The following ATP8B4 variants were observed in gnomAD, a reference collection of about 807,000 sequenced individuals.
The protein encoded by ATP8B4 is ATPase phospholipid transporting 8B4 (putative).
In ATP8B4, 133 loss-of-function variants were observed where a neutral mutation model predicts 145.6. The ratio of observed to expected loss-of-function variants is 0.91; its 90% CI spans 0.79 to 1.05. ATP8B4 has a LOEUF of 1.05. Ranked by LOEUF, ATP8B4 falls within the 50% of genes least tolerant of loss-of-function variation. ATP8B4 has a pLI of 0.00. For synonymous variants in ATP8B4, 507 were observed against 492.9 expected (o/e 1.03, Z -0.38); for missense variants, 1,458 against 1,425.2 (o/e 1.02, Z -0.37).
intron 1 of ATP8B4, among the ~76,000 whole-genome samples, chr15:50,143,820 T>C (rs1030170071): frequency 7.9e-5 from 12 of 152,212 alleles, no homozygotes; most frequent in Admixed American, 7.2e-4. Flanking sequence ...CTGTCTGATT[T>C]GGCTAAAGTG....
At chr15:50,179,602 T>C (rs984123509) in intron 1 of ATP8B4, among the ~76,000 whole-genome samples, 3 of 151,880 alleles carry the variant, frequency 2.0e-5, no homozygotes, top group Admixed American at 1.3e-4. Context: ...TAACCCTCAA[T>C]GTGATGGTAT....
intron 25 of ATP8B4, among the ~76,000 whole-genome samples, chr15:49,866,906 C>T (rs539580902): frequency 6.6e-6 from 1 of 152,330 alleles, no homozygotes; most frequent in African/African-American, 2.4e-5. Flanking sequence ...TAAATTTTCA[C>T]AATACCATTT....
intron 1 of ATP8B4, among the ~76,000 whole-genome samples, chr15:50,160,504 A>T (rs8042657): frequency 0.57 from 85,424 of 149,818 alleles, 24,810 homozygotes; most frequent in East Asian, 0.93. Flanking sequence ...TACTTTTTTT[A>T]ATGTAGATAC....
chr15:49,969,646 A>T (rs1303610637), intron 13 of ATP8B4, among the ~76,000 whole-genome samples: 2 of 152,188 alleles, frequency 1.3e-5, no homozygotes, highest in Non-Finnish European at 2.9e-5. Context: ...CTACCAACAA[A>T]AAAAGCCCAA....
At chr15:50,020,799 G>A (rs550157550) in intron 6 of ATP8B4, among the ~76,000 whole-genome samples, 18 of 152,180 alleles carry the variant, frequency 1.2e-4, no homozygotes, top group African/African-American at 4.3e-4. Flanking sequence ...TCAGTCTGTG[G>A]TTATTAGGTG....
At chr15:49,931,337 A>C in intron 15 of ATP8B4, 30 bp from the exon 16 acceptor site, 1 of 1,585,640 alleles carries the variant, frequency 6.3e-7, no homozygotes, top group Non-Finnish European at 8.6e-7. Flanking sequence ...GTGTATCAAT[A>C]CTGACTAACA....
intron 17 of ATP8B4, among the ~76,000 whole-genome samples, chr15:49,921,819 T>C (rs751939769): frequency 4.6e-5 from 7 of 152,220 alleles, no homozygotes; most frequent in East Asian, 1.9e-4. Context: ...ACTTCGGATA[T>C]TGGAATCACA....
chr15:50,030,296 A>T (rs530144521), intron 6 of ATP8B4, among the ~76,000 whole-genome samples: 2 of 152,316 alleles, frequency 1.3e-5, no homozygotes, highest in South Asian at 4.1e-4. Context: ...TAAATGGCAC[A>T]TAGAACTTGG....
At chr15:50,103,920 T>G (rs1459091436) in intron 2 of ATP8B4, among the ~76,000 whole-genome samples, 3 of 151,986 alleles carry the variant, frequency 2.0e-5, no homozygotes, top group African/African-American at 4.8e-5. Flanking sequence ...AAGCCAGAAG[T>G]AAAGCTAAAT....
chr15:50,108,957 T>C (rs1027420883), intron 1 of ATP8B4, among the ~76,000 whole-genome samples: 1 of 152,168 alleles, frequency 6.6e-6, no homozygotes, highest in African/African-American at 2.4e-5. Context: ...GAGGAAGGGC[T>C]TCCAGATGCT....
chr15:50,071,933 C>G (rs976277910), intron 3 of ATP8B4, among the ~76,000 whole-genome samples: 2 of 151,934 alleles, frequency 1.3e-5, no homozygotes, highest in African/African-American at 4.8e-5. Context: ...ACAGGGAAAC[C>G]TACATTGAAA....
rs758057156 is a variant in ATP8B4, at chr15:49,918,925, T to C, written c.1949A>G (p.Asp650Gly). Residue 650 changes from aspartate (D) to glycine (G), a missense_variant, in exon 19 of 28, where the codon GAT (aspartate) becomes GGT (glycine). By Grantham distance (94) the Asp-to-Gly change is moderately conservative (BLOSUM62 -1). Coordinates refer to ENST00000284509, the MANE Select transcript of ATP8B4 (RefSeq NM_024837.4). Reference protein sequence around the residue: ...LMLLGATAVEDKLQEGVIETV... With the variant: ...LMLLGATAVEGKLQEGVIETV... ...TTCAATAACACCCTCCTGTAACTTA[T>C]CTTCTACAGCAGTGGCACCTAGTAG... The C allele has an allele frequency of 2.6e-5, 42 of 1,613,352 alleles. No individual in the cohort carries two copies. The highest frequency in any genetic ancestry group is 2.2e-5 in the East Asian group (1 of 44,826).
intron 7 of ATP8B4, among the ~76,000 whole-genome samples, chr15:50,008,367 T>C (rs893075203): frequency 2.0e-5 from 3 of 152,162 alleles, no homozygotes; most frequent in African/African-American, 7.2e-5. Context: ...TTTGGTGCTG[T>C]CCCTCCAAAC....
chr15:50,153,804 T>C (rs1335151662), intron 1 of ATP8B4, among the ~76,000 whole-genome samples: 1 of 152,168 alleles, frequency 6.6e-6, no homozygotes, highest in Non-Finnish European at 1.5e-5. Context: ...AAAGACAGCA[T>C]TTCCAAACTA....
At chr15:49,890,718 A>AT (rs1429435848) in intron 23 of ATP8B4, among the ~76,000 whole-genome samples, 1 of 152,214 alleles carries the variant, frequency 6.6e-6, no homozygotes, top group Non-Finnish European at 1.5e-5. Context: ...AAGCCAAAAC[A>AT]TTTTTCAGTT....
At chr15:50,149,019 T>C (rs1233127343) in intron 1 of ATP8B4, among the ~76,000 whole-genome samples, 1 of 152,228 alleles carries the variant, frequency 6.6e-6, no homozygotes, top group Non-Finnish European at 1.5e-5. Context: ...AAAATAACAA[T>C]ACATCATGCT....
chr15:49,987,621 G>T, intron 9 of ATP8B4, 72 bp from the exon 10 acceptor site: 1 of 1,457,810 alleles, frequency 6.9e-7, no homozygotes. Flanking sequence ...CCACAGCACT[G>T]TTTTACCACT....
At chr15:49,919,456 C>T (rs1375428543) in intron 18 of ATP8B4, among the ~76,000 whole-genome samples, 1 of 152,100 alleles carries the variant, frequency 6.6e-6, no homozygotes, top group Non-Finnish European at 1.5e-5. Context: ...CTTGCTCTGT[C>T]GCCCAGGCTG....
At chr15:49,929,910 G>C (rs539997889) in intron 16 of ATP8B4, among the ~76,000 whole-genome samples, 1 of 152,192 alleles carries the variant, frequency 6.6e-6, no homozygotes, top group East Asian at 1.9e-4. Flanking sequence ...TTGAGTAGAG[G>C]AAGAAGAAAC....
Sources: allele counts gnomAD v4.1 joint callset (sites outside exome capture counted in the v4.1 genomes callset), GRCh38; gene constraint gnomAD v4.1.1; transcripts MANE v1.5; gene names NCBI Gene and HGNC (gene_info 2026-07-23, HGNC 2026-07-21).